MYO10: variants seen among roughly 807,000 people sequenced by gnomAD.
MYO10 encodes the protein myosin X, also known as unconventional myosin-X.
In MYO10, 133 loss-of-function variants were observed where a neutral mutation model predicts 257.3. The observed-to-expected ratio is 0.52, with a 90% CI of 0.45 to 0.60. The LOEUF (loss-of-function observed/expected upper bound fraction) is 0.60, where lower values mean the gene tolerates loss of function less well. Among genes scored for constraint, MYO10 ranks in the 20% least tolerant of loss-of-function variants. The pLI is 0.00. For synonymous variants in MYO10, 1,104 were observed against 1,028.6 expected (o/e 1.07, Z -1.40); for missense variants, 2,399 against 2,635.7 (o/e 0.91, Z 1.97).
intron 1 of MYO10, among the ~76,000 whole-genome samples, chr5:16,933,701 G>A (rs750866038): frequency 6.6e-6 from 1 of 152,164 alleles, no homozygotes; most frequent in Admixed American, 6.5e-5. Context: ...TACAAGACAT[G>A]AGAGAGAGAA....
chr5:16,823,603 C>T (rs1049763027), intron 2 of MYO10, among the ~76,000 whole-genome samples: 1 of 149,642 alleles, frequency 6.7e-6, no homozygotes, highest in Non-Finnish European at 1.5e-5. Flanking sequence ...TCCCGAGTAG[C>T]TGGGACTACA....
At chr5:16,794,378 T>C (rs1014569758) in intron 4 of MYO10, among the ~76,000 whole-genome samples, 3 of 123,966 alleles carry the variant, frequency 2.4e-5, no homozygotes, top group South Asian at 3.1e-4. Context: ...AAATAAATGT[T>C]GCTTTAAAAA....
At chr5:16,714,369 G>A (rs950900070) in intron 19 of MYO10, among the ~76,000 whole-genome samples, 1 of 152,082 alleles carries the variant, frequency 6.6e-6, no homozygotes, top group Non-Finnish European at 1.5e-5. Context: ...GGAACAGAGG[G>A]GGAAGGACCT....
intron 3 of MYO10, among the ~76,000 whole-genome samples, chr5:16,804,184 C>T (rs918590670): frequency 1.3e-5 from 2 of 152,192 alleles, no homozygotes; most frequent in Admixed American, 6.5e-5. Context: ...CCATGGCTGA[C>T]GTCTCCTTGT....
intron 1 of MYO10, among the ~76,000 whole-genome samples, chr5:16,935,293 G>A (rs1289519645): frequency 6.6e-6 from 1 of 152,112 alleles, no homozygotes; most frequent in South Asian, 2.1e-4. Flanking sequence ...TTAAACCCTT[G>A]CCTCTCCTTC....
intron 1 of MYO10, among the ~76,000 whole-genome samples, chr5:16,892,884 C>G (rs1268540599): frequency 6.6e-6 from 1 of 151,944 alleles, no homozygotes; most frequent in Non-Finnish European, 1.5e-5. Flanking sequence ...AGCTACTTTC[C>G]AGACACAAAA....
At chr5:16,885,115 T>C (rs1279393869) in intron 1 of MYO10, among the ~76,000 whole-genome samples, 1 of 150,918 alleles carries the variant, frequency 6.6e-6, no homozygotes, top group Admixed American at 6.6e-5. Context: ...TTGACAAACA[T>C]AAGGAAAAGA....
intron 19 of MYO10, among the ~76,000 whole-genome samples, chr5:16,745,195 C>T (rs1331117287): frequency 6.6e-6 from 1 of 152,030 alleles, no homozygotes; most frequent in Non-Finnish European, 1.5e-5. Flanking sequence ...CAAAAATTAG[C>T]TGGGAGTGGT....
In MYO10 at chr5:16,858,303, G is replaced by C. The variant is rs187092509; in HGVS notation, c.120+19306C>G. Among the ~76,000 whole-genome samples the C allele has an allele frequency of 3.4e-3, 519 of 152,278 alleles. 7 individuals are homozygous for C. Among genetic ancestry groups the C allele is most frequent in the African/African-American group, 0.012 (506 of 41,554 alleles). On this transcript the variant is annotated intron_variant, in intron 2 of 40. Coordinates refer to ENST00000513610, the MANE Select transcript of MYO10 (RefSeq NM_012334.3). ...ACCATACAATTCAGGCTGTAGGCAA[G>C]GGCTGCAGTTTGCTGCCCCTGTTCA...
At chr5:16,820,377 G>A (rs949185325) in intron 2 of MYO10, among the ~76,000 whole-genome samples, 3 of 152,094 alleles carry the variant, frequency 2.0e-5, no homozygotes, top group Non-Finnish European at 4.4e-5. Flanking sequence ...GAAAAGTGCC[G>A]ACCAGGGTGG....
chr5:16,727,093 G>C (rs1232325617), intron 19 of MYO10, among the ~76,000 whole-genome samples: 2 of 152,092 alleles, frequency 1.3e-5, no homozygotes, highest in African/African-American at 2.4e-5. Context: ...AAAAAATAAA[G>C]TATCTCATTA....
At chr5:16,718,224 T>C (rs904735853) in intron 19 of MYO10, among the ~76,000 whole-genome samples, 1 of 152,210 alleles carries the variant, frequency 6.6e-6, no homozygotes, top group Non-Finnish European at 1.5e-5. Flanking sequence ...CCGCCATGCC[T>C]GAGCCTCCCA....
In MYO10 at chr5:16,912,801, T is replaced by TGCAC. The variant is rs1554008403; in HGVS notation, c.21+22983_21+22986dup. The stretch of plus-strand genomic sequence containing the variant: ...TCCAGACTTCCTTCACCTACCACCC[T>TGCAC]GCACACACACACACACACACACACA... On this transcript the variant is annotated intron_variant, in intron 1 of 40. Transcript: ENST00000513610. 9.2e-3 allele frequency among the ~76,000 whole-genome samples: 467 copies of TGCAC among 51,036 alleles called. 2 individuals carry two copies. The highest frequency in any genetic ancestry group is 0.038 in the African/African-American group (446 of 11,810). 33.5% of individuals were successfully genotyped at this position (51,036 alleles called of 152,430 possible). A position where few individuals can be genotyped will look rare whatever the true frequency, so the allele number is the denominator to read the frequency against.
At position 16,670,084 on chromosome 5, in the gene MYO10, C is replaced by T. The variant is rs1453693077; in HGVS notation, c.5883+442G>A. 2.0e-5 allele frequency among the ~76,000 whole-genome samples: 3 copies of T among 152,130 alleles called. No homozygotes were observed. The South Asian group carries it at 6.2e-4, about 31-fold the overall frequency. On this transcript the variant is annotated intron_variant, in intron 39 of 40. Coordinates refer to ENST00000513610, the MANE Select transcript of MYO10 (RefSeq NM_012334.3). ...ACTTAAAACAAAACAAAAATCAGTACTGGGTTGATGCCAATGGCTAAATTC... is the reference window on the plus strand; with the variant it reads ...ACTTAAAACAAAACAAAAATCAGTATTGGGTTGATGCCAATGGCTAAATTC...
intron 21 of MYO10, among the ~76,000 whole-genome samples, chr5:16,705,137 A>C (rs1738273598): frequency 1.3e-5 from 2 of 152,158 alleles, no homozygotes; most frequent in South Asian, 4.1e-4. Flanking sequence ...AATTTCTAAA[A>C]CGTTATTTTG....
At chr5:16,860,208 T>G (rs1339031180) in intron 2 of MYO10, among the ~76,000 whole-genome samples, 1 of 152,102 alleles carries the variant, frequency 6.6e-6, no homozygotes, top group Non-Finnish European at 1.5e-5. Context: ...GAAACAAATG[T>G]CTCTGGAGAT....
intron 1 of MYO10, among the ~76,000 whole-genome samples, chr5:16,879,328 T>C (rs915420363): frequency 1.3e-5 from 2 of 152,206 alleles, no homozygotes; most frequent in East Asian, 3.9e-4. Context: ...CCACTTCTAG[T>C]TCAAGGAGGT....
chr5:16,819,832 G>A (rs536305779), intron 2 of MYO10, among the ~76,000 whole-genome samples: 2 of 152,298 alleles, frequency 1.3e-5, no homozygotes, highest in African/African-American at 4.8e-5. Flanking sequence ...CATTTTTCTA[G>A]AGAAAAATTA....
intron 31 of MYO10, 149 bp downstream of exon 31, chr5:16,681,722 T>C (rs899989653): frequency 4.3e-6 from 5 of 1,165,536 alleles, no homozygotes; most frequent in South Asian, 1.6e-5. Flanking sequence ...AAACACTTTA[T>C]AATATCACAA....
Sources: allele counts gnomAD v4.1 joint callset (sites outside exome capture counted in the v4.1 genomes callset), GRCh38; gene constraint gnomAD v4.1.1; transcripts MANE v1.5; gene names NCBI Gene and HGNC (gene_info 2026-07-23, HGNC 2026-07-21).